The following SMYD3 variants were observed in gnomAD, a reference collection of about 807,000 sequenced individuals.
The protein encoded by SMYD3 is histone-lysine N-methyltransferase SMYD3.
SMYD3 carries 36 observed loss-of-function variants against 57.7 expected under a neutral mutation model. The ratio of observed to expected loss-of-function variants is 0.62; its 90% confidence interval spans 0.48 to 0.82. The LOEUF (loss-of-function observed/expected upper bound fraction) is 0.82. SMYD3 is among the 40% of genes least tolerant of loss of function. SMYD3 has a pLI of 0.00. For synonymous variants in SMYD3, 211 were observed against 195.0 expected (o/e 1.08, Z -0.68); for missense variants, 515 against 538.8 (o/e 0.96, Z 0.44).
chr1:246,365,505 A>T (rs1169331096), intron 1 of SMYD3, among the ~76,000 whole-genome samples: 1 of 151,046 alleles, frequency 6.6e-6, no homozygotes, highest in Non-Finnish European at 1.5e-5. Flanking sequence ...AAAAAAAAAA[A>T]AAAAAAAAAA....
intron 5 of SMYD3, among the ~76,000 whole-genome samples, chr1:245,941,555 C>T (rs1180729623): frequency 1.3e-5 from 2 of 152,194 alleles, no homozygotes; most frequent in Admixed American, 1.3e-4. Flanking sequence ...GAGTCTCACT[C>T]TGTCACCCAG....
intron 5 of SMYD3, among the ~76,000 whole-genome samples, chr1:246,255,882 T>C (rs545256838): frequency 1.3e-4 from 20 of 151,544 alleles, no homozygotes; most frequent in South Asian, 1.0e-3. Context: ...TCTTAAGAGA[T>C]TGTGTGTGTA....
intron 5 of SMYD3, among the ~76,000 whole-genome samples, chr1:246,064,429 G>A (rs1456717450): frequency 2.6e-5 from 4 of 152,122 alleles, no homozygotes; most frequent in Admixed American, 1.3e-4. Flanking sequence ...CTGGCTACTT[G>A]TCCTCTACCT....
chr1:246,266,879 G>T (rs1046992946), intron 5 of SMYD3, among the ~76,000 whole-genome samples: 1 of 151,458 alleles, frequency 6.6e-6, no homozygotes, highest in African/African-American at 2.4e-5. Flanking sequence ...CCTCAGAAAA[G>T]AATATGATCC....
At chr1:245,945,374 A>T (rs574813991) in intron 5 of SMYD3, among the ~76,000 whole-genome samples, 101 of 152,330 alleles carry the variant, frequency 6.6e-4, no homozygotes, top group Non-Finnish European at 1.4e-3. Flanking sequence ...ACAAACATGA[A>T]AAAAAGCTCA....
chr1:245,928,437 C>T (rs775407513), intron 6 of SMYD3, among the ~76,000 whole-genome samples: 22 of 151,932 alleles, frequency 1.4e-4, no homozygotes, highest in Middle Eastern at 3.4e-3. Context: ...TTTAGGAAGC[C>T]GAGGTGGGTG....
At chr1:246,491,144 G>T (rs1449958559) in intron 1 of SMYD3, among the ~76,000 whole-genome samples, 1 of 152,168 alleles carries the variant, frequency 6.6e-6, no homozygotes. Flanking sequence ...GGTTCACAAG[G>T]CACTGAGACC....
chr1:245,867,678 A>ACG (rs1298760919), intron 8 of SMYD3, among the ~76,000 whole-genome samples: 1 of 151,662 alleles, frequency 6.6e-6, no homozygotes, highest in Non-Finnish European at 1.5e-5. Flanking sequence ...GCACACACAC[A>ACG]CACACACACA....
intron 10 of SMYD3, among the ~76,000 whole-genome samples, chr1:245,785,729 C>G (rs1013422116): frequency 1.4e-4 from 22 of 152,120 alleles, no homozygotes; most frequent in Non-Finnish European, 3.2e-4. Context: ...CAGACAAGGT[C>G]TTGCTCTGCC....
intron 5 of SMYD3, among the ~76,000 whole-genome samples, chr1:246,074,320 TA>T (rs148230107): frequency 1.4e-5 from 2 of 144,264 alleles, no homozygotes; most frequent in Non-Finnish European, 3.1e-5. Flanking sequence ...GTTTTGCAAA[TA>T]AAAAAAAATT....
At chr1:245,993,098 G>A (rs2058841738) in intron 5 of SMYD3, among the ~76,000 whole-genome samples, 1 of 152,220 alleles carries the variant, frequency 6.6e-6, no homozygotes, top group Non-Finnish European at 1.5e-5. Flanking sequence ...TGCTGCTTCT[G>A]CACTCAACGT....
intron 5 of SMYD3, among the ~76,000 whole-genome samples, chr1:246,048,141 A>G (rs1333842202): frequency 6.6e-6 from 1 of 152,212 alleles, no homozygotes; most frequent in Non-Finnish European, 1.5e-5. Context: ...CAAAAAAGGA[A>G]TTGCAAATAA....
intron 1 of SMYD3, among the ~76,000 whole-genome samples, chr1:246,480,224 T>C (rs952392214): frequency 6.6e-6 from 1 of 152,208 alleles, no homozygotes; most frequent in African/African-American, 2.4e-5. Flanking sequence ...ATGTTGACCA[T>C]CCTGGCCTCA....
intron 5 of SMYD3, among the ~76,000 whole-genome samples, chr1:246,014,778 C>A (rs1315069727): frequency 6.6e-6 from 1 of 152,100 alleles, no homozygotes; most frequent in Non-Finnish European, 1.5e-5. Flanking sequence ...ACATCCTGAA[C>A]TGAAGAAGCC....
chr1:245,950,326 G>A (rs1333103388), intron 5 of SMYD3, among the ~76,000 whole-genome samples: 3 of 152,160 alleles, frequency 2.0e-5, no homozygotes, highest in East Asian at 3.9e-4. Flanking sequence ...ATTTGGAGCT[G>A]AGCCTAATCT....
intron 1 of SMYD3, among the ~76,000 whole-genome samples, chr1:246,370,715 T>C (rs2148729919): frequency 6.6e-6 from 1 of 152,340 alleles, no homozygotes; most frequent in Non-Finnish European, 1.5e-5. Flanking sequence ...GTTTCTTCTA[T>C]ATCACTTCCA....
At chr1:246,251,338 C>T (rs1458044310) in intron 5 of SMYD3, among the ~76,000 whole-genome samples, 1 of 152,212 alleles carries the variant, frequency 6.6e-6, no homozygotes, top group Non-Finnish European at 1.5e-5. Context: ...TATAAAACAC[C>T]TTCCACAGAG....
At chr1:246,066,456 TACAA>T (rs1412604104) in intron 5 of SMYD3, among the ~76,000 whole-genome samples, 4 of 152,012 alleles carry the variant, frequency 2.6e-5, no homozygotes, top group Non-Finnish European at 1.5e-5. Flanking sequence ...AATTTTTTTT[TACAA>T]ACAGTGAAAA....
At position 246,071,354 on chromosome 1, in the gene SMYD3, T is replaced by G. The variant is rs185482320; in HGVS notation, c.532-141417A>C. ...TAGGACGGTGGGAGAAAACAGGGAT[T>G]AAGGACAATGATGAAGGGGAATTTT... is the stretch of plus-strand genomic sequence containing the variant. On this transcript the variant is annotated intron_variant, in intron 5 of 11. Transcript: ENST00000490107. Among the ~76,000 whole-genome samples the G allele has an allele frequency of 2.0e-5, 3 of 152,238 alleles. No homozygotes were observed. The East Asian group carries it at 5.8e-4, about 29-fold the overall frequency.
Sources: allele counts gnomAD v4.1 joint callset (sites outside exome capture counted in the v4.1 genomes callset), GRCh38; gene constraint gnomAD v4.1.1; transcripts MANE v1.5; gene names NCBI Gene and HGNC (gene_info 2026-07-23, HGNC 2026-07-21).